ABCC3: variants seen among roughly 807,000 people sequenced by gnomAD.
ABCC3 encodes the protein ATP-binding cassette sub-family C member 3.
ABCC3 carries 121 observed loss-of-function variants against 165.3 expected under a neutral mutation model. The ratio of observed to expected loss-of-function variants is 0.73; its 90% CI spans 0.63 to 0.85. ABCC3 has a LOEUF of 0.85. ABCC3 is among the 40% of genes least tolerant of loss of function. The pLI is 0.00. For missense variants in ABCC3, 1,869 were observed against 1,964.1 expected, an observed-to-expected ratio of 0.95 and a Z score of 0.92; for synonymous variants, 733 against 810.1, an observed-to-expected ratio of 0.90 and a Z score of 1.62.
intron 8 of ABCC3, among the ~76,000 whole-genome samples, chr17:50,662,884 G>A (rs553440274): frequency 1.3e-5 from 2 of 152,166 alleles, no homozygotes; most frequent in South Asian, 2.1e-4. Context: ...GAAGAGACTC[G>A]GTCATGTCAA....
intron 1 of ABCC3, chr17:50,635,569 A>G: frequency 1.4e-6 from 1 of 702,630 alleles, no homozygotes; most frequent in South Asian, 1.5e-5. Flanking sequence ...CTCCGGACTC[A>G]GAAGGGAGAA....
chr17:50,691,195 G>C lies in ABCC3; in HGVS notation c.4579G>C (p.Ala1527Pro). The C allele has an allele frequency of 6.2e-7, 1 of 1,612,212 alleles. No individual in the cohort carries two copies. The highest frequency in any genetic ancestry group is 8.5e-7 in the Non-Finnish European group (1 of 1,178,262). ...FYGMARDAGL[A>P] ...CGGGATGGCCAGAGATGCTGGACTTGCCTAAAATATATTCCTGAGATTTCC... is the reference window on the plus strand; with the variant it reads ...CGGGATGGCCAGAGATGCTGGACTTCCCTAAAATATATTCCTGAGATTTCC... Residue 1527 changes from alanine to proline, a missense_variant, in exon 31 of 31, where the codon GCC becomes CCC. By Grantham distance (27) the Ala-to-Pro change is conservative. Transcript: ENST00000285238.
chr17:50,668,441 T>C lies in ABCC3; in HGVS notation c.1794T>C (p.Ser598=). The change falls in exon 14 of 31, where the codon TCT becomes TCC. Residue 598 remains serine, a synonymous_variant. Coordinates refer to ENST00000285238, the MANE Select transcript of ABCC3 (RefSeq NM_003786.4). ...ACATCCTCCCGTAGGCCAGTGTGTC[T>C]CTGAAACGGATCCAGCAATTCCTGA... ...LISNLTQASV[S]LKRIQQFLSQ... 6.2e-7 allele frequency: 1 copy of C among 1,613,790 alleles called. No homozygotes were observed.
At chr17:50,687,960 CTT>C (rs779689378) in intron 30 of ABCC3, among the ~76,000 whole-genome samples, 5 of 144,690 alleles carry the variant, frequency 3.5e-5, no homozygotes, top group Admixed American at 6.9e-5. Context: ...TCTTCTTCTT[CTT>C]TTTTTTTTTT....
At chr17:50,673,881 G>A (rs996993140) in intron 19 of ABCC3, among the ~76,000 whole-genome samples, 2 of 148,354 alleles carry the variant, frequency 1.3e-5, no homozygotes, top group African/African-American at 5.0e-5. Flanking sequence ...CAGATCCTCC[G>A]CCCCGGTCTC....
rs1967582860 is a variant in ABCC3 at position 50,668,905 on chromosome 17, C to T, written c.1923C>T (p.Pro641=). ...CCTTCACCTGGGCCCAGGACCTGCCCCCCACTCTGCACAGGTACCAGCTTC... is the reference window on the plus strand; with the variant it reads ...CCTTCACCTGGGCCCAGGACCTGCCTCCCACTCTGCACAGGTACCAGCTTC... ...SGTFTWAQDL[P]PTLHSLDIQV... is the part of the protein sequence containing the mutation. Residue 641 remains proline (P), a synonymous_variant, in exon 15 of 31, where the codon CCC becomes CCT. Coordinates refer to ENST00000285238, the MANE Select transcript of ABCC3 (RefSeq NM_003786.4). The T allele has an allele frequency of 6.2e-7, 1 of 1,613,964 alleles. No homozygotes were observed. The highest frequency in any genetic ancestry group is 1.3e-5 in the African/African-American group (1 of 74,920).
chr17:50,675,490 A>G lies in ABCC3; in HGVS notation c.2714+14A>G. On this transcript the variant is annotated intron_variant, in intron 20 of 30. Transcript: ENST00000285238. ...GCAGTTTATGAGGTGAGTTCCTGAGAGCTCCCAGCCCTCCCGGAGGCTGTA... is the reference window on the plus strand; with the variant it reads ...GCAGTTTATGAGGTGAGTTCCTGAGGGCTCCCAGCCCTCCCGGAGGCTGTA... 1.2e-6 allele frequency: 2 copies of G among 1,609,424 alleles called. No homozygotes were observed. The highest frequency in any genetic ancestry group is 1.7e-6 in the Non-Finnish European group (2 of 1,177,260).
chr17:50,655,099 C>CAA (rs66488957), intron 1 of ABCC3, among the ~76,000 whole-genome samples: 11 of 43,548 alleles, frequency 2.5e-4, no homozygotes, highest in Admixed American at 1.0e-3. Flanking sequence ...GACTCCATCT[C>CAA]AAAAAAAAAA....
At chr17:50,647,229 C>A (rs1464061846) in intron 1 of ABCC3, among the ~76,000 whole-genome samples, 3 of 152,156 alleles carry the variant, frequency 2.0e-5, no homozygotes, top group Non-Finnish European at 4.4e-5. Flanking sequence ...TTAACCTTTC[C>A]CTGCCAAGTC....
rs1306015530 is a variant in ABCC3, at chr17:50,672,849, G to A, written c.2242-122G>A. ...ATCGCACCACTGCACTCCAGCCTGG[G>A]TGAGTGAGACCCCATCTCAGGAAAA... On this transcript the variant is annotated intron_variant, in intron 17 of 30. Transcript: ENST00000285238. 6 of 840,678 alleles carry A rather than the reference G, an allele frequency of 7.1e-6. No homozygotes were observed. In the East Asian group the frequency reaches 1.3e-4, roughly 19 times the overall value. 52.1% of individuals were successfully genotyped at this position (840,678 alleles called of 1,614,324 possible).
chr17:50,639,767 CTT>C (rs140428476), intron 1 of ABCC3, among the ~76,000 whole-genome samples: 9,530 of 143,766 alleles, frequency 0.066, 308 homozygotes, highest in East Asian at 0.1. Flanking sequence ...TGGATTTCTC[CTT>C]TTTTTTTTTT....
In ABCC3 at chr17:50,687,628, T is replaced by C. The variant is rs1460353868; in HGVS notation, c.4373T>C (p.Leu1458Pro). The change falls in exon 30 of 31, where the codon CTG becomes CCG. Residue 1458 changes from leucine to proline, a missense_variant. Coordinates refer to ENST00000285238, the MANE Select transcript of ABCC3 (RefSeq NM_003786.4). Reference protein sequence around the residue: ...VLDEATAAIDLETDNLIQATI... With the variant: ...VLDEATAAIDPETDNLIQATI... ...GACGAGGCCACAGCTGCCATCGACC[T>C]GGAGACTGACAACCTCATCCAGGCT... is the stretch of plus-strand genomic sequence containing the variant. 2 of 1,614,262 alleles carry C rather than the reference T, an allele frequency of 1.2e-6. No homozygotes were observed. The highest frequency in any genetic ancestry group is 3.3e-5 in the Admixed American group (2 of 60,034).
chr17:50,684,641 G>A (rs1389983984), intron 28 of ABCC3, 68 bp from the exon 29 acceptor site: 8 of 1,514,780 alleles, frequency 5.3e-6, no homozygotes, highest in Non-Finnish European at 7.2e-6. Flanking sequence ...CTTCTTCCCT[G>A]GACCTGGGGC....
At chr17:50,644,317 A>AC (rs1966955748) in intron 1 of ABCC3, among the ~76,000 whole-genome samples, 1 of 144,932 alleles carries the variant, frequency 6.9e-6, no homozygotes, top group Non-Finnish European at 1.5e-5. Flanking sequence ...TCTCAAAAAA[A>AC]AAAAAAAAAA....
intron 19 of ABCC3, among the ~76,000 whole-genome samples, chr17:50,673,932 C>CTTT (rs1491325671): frequency 6.7e-5 from 1 of 14,952 alleles, no homozygotes; most frequent in Non-Finnish European, 1.3e-4. Flanking sequence ...TTCTTTCTTT[C>CTTT]TTTCTTTCTT....
chr17:50,665,476 G>A (rs568676696), intron 11 of ABCC3, among the ~76,000 whole-genome samples: 3 of 152,308 alleles, frequency 2.0e-5, no homozygotes, highest in African/African-American at 7.2e-5. Flanking sequence ...TGGCAGTCCA[G>A]AATCAGGCAG....
intron 29 of ABCC3, 116 bp downstream of exon 29, chr17:50,684,991 G>C: frequency 8.4e-7 from 1 of 1,190,342 alleles, no homozygotes; most frequent in Non-Finnish European, 1.2e-6. Flanking sequence ...ATGTGCACAG[G>C]GCTGTCCTTT....
intron 18 of ABCC3, 140 bp from the exon 19 acceptor site, chr17:50,673,329 G>A (rs766482640): frequency 7.0e-5 from 89 of 1,267,060 alleles, no homozygotes; most frequent in Non-Finnish European, 9.3e-5. Flanking sequence ...AGGCTGTGGC[G>A]AGCACAGGGT....
chr17:50,687,366 A>G (rs970753358), intron 29 of ABCC3, 170 bp from the exon 30 acceptor site: 6 of 632,394 alleles, frequency 9.5e-6, no homozygotes, highest in East Asian at 2.8e-5. Context: ...CATTATCCCA[A>G]TGGTGTCCAG....
Sources: allele counts gnomAD v4.1 joint callset (sites outside exome capture counted in the v4.1 genomes callset), GRCh38; gene constraint gnomAD v4.1.1; transcripts MANE v1.5; gene names NCBI Gene and HGNC (gene_info 2026-07-23, HGNC 2026-07-21).